The following ERC1 variants were observed in gnomAD, a reference collection of about 807,000 sequenced individuals.
ERC1 encodes ELKS/RAB6-interacting/CAST family member 1, also known as RAB6 interacting protein 2.
Under a neutral mutation model 132.0 loss-of-function variants are expected in ERC1, and 56 were observed. That is an observed-to-expected ratio of 0.42 (90% CI 0.34 to 0.53). The LOEUF (loss-of-function observed/expected upper bound fraction) is 0.53. Ranked by LOEUF, ERC1 falls within the 20% of genes least tolerant of loss-of-function variation. The probability of loss-of-function intolerance (pLI) is 0.03; values close to 1 mark genes in which losing one functional copy is unlikely to be tolerated. For missense variants in ERC1, 1,202 were observed against 1,349.9 expected (o/e 0.89, Z 1.72); for synonymous variants, 478 against 476.1 (o/e 1.00, Z -0.05).
At chr12:1,101,415 C>T (rs1430169992) in intron 3 of ERC1, among the ~76,000 whole-genome samples, 1 of 152,220 alleles carries the variant, frequency 6.6e-6, no homozygotes, top group Non-Finnish European at 1.5e-5. Context: ...CTGCTCACCA[C>T]CACTGGAGCC....
At chr12:1,185,325 G>T (rs989662072) in intron 11 of ERC1, among the ~76,000 whole-genome samples, 1 of 151,778 alleles carries the variant, frequency 6.6e-6, no homozygotes, top group Admixed American at 6.6e-5. Context: ...AGGCCACTAT[G>T]CTCAGCCTTG....
chr12:1,049,307 A>C (rs1185946211), intron 2 of ERC1, among the ~76,000 whole-genome samples: 1 of 152,244 alleles, frequency 6.6e-6, no homozygotes, highest in Non-Finnish European at 1.5e-5. Flanking sequence ...TGCTCATGGC[A>C]GATCATCTCT....
chr12:1,343,172 T>G (rs955020349), intron 15 of ERC1, among the ~76,000 whole-genome samples: 1 of 152,170 alleles, frequency 6.6e-6, no homozygotes, highest in Admixed American at 6.5e-5. Context: ...GGATCTCTCA[T>G]GTAGGCAACA....
intron 11 of ERC1, among the ~76,000 whole-genome samples, chr12:1,186,899 C>A (rs1176751668): frequency 6.6e-6 from 1 of 152,140 alleles, no homozygotes; most frequent in Non-Finnish European, 1.5e-5. Flanking sequence ...GGCACAATCT[C>A]GACTCACTGC....
chr12:1,261,817 G>T (rs115482162), intron 13 of ERC1, among the ~76,000 whole-genome samples: 1 of 152,024 alleles, frequency 6.6e-6, no homozygotes, highest in African/African-American at 2.4e-5. Flanking sequence ...TGAACATCAC[G>T]TACAGCACCA....
intron 12 of ERC1, among the ~76,000 whole-genome samples, chr12:1,213,635 G>T (rs1182897115): frequency 6.6e-6 from 1 of 151,658 alleles, no homozygotes; most frequent in Non-Finnish European, 1.5e-5. Context: ...TACTTGGGAG[G>T]CTGAGGCAGG....
In ERC1 at chr12:1,346,899, G is replaced by A. The variant is rs560032391; in HGVS notation, c.2781-24934G>A. ...GGAGCTTGCAGTGAGCCGAGATTGC[G>A]CCACTGCAGTCCGCAGTCCGGCCTG... On this transcript the variant is annotated intron_variant, in intron 15 of 18. Transcript: ENST00000360905. Among the ~76,000 whole-genome samples the A allele has an allele frequency of 2.6e-3, 382 of 144,668 alleles. 1 individual carries two copies. The highest frequency in any genetic ancestry group is 4.3e-3 in the Non-Finnish European group (286 of 66,760). The allele number at this position is 144,668 out of a possible 152,430, so 94.9% of individuals were successfully genotyped here.
At chr12:1,125,810 C>T (rs777854892) in intron 7 of ERC1, among the ~76,000 whole-genome samples, 5 of 152,104 alleles carry the variant, frequency 3.3e-5, no homozygotes, top group Admixed American at 6.6e-5. Flanking sequence ...AGCGAGACTC[C>T]GTCTCAAAAC....
At chr12:1,336,649 G>C (rs1220346439) in intron 15 of ERC1, among the ~76,000 whole-genome samples, 1 of 152,098 alleles carries the variant, frequency 6.6e-6, no homozygotes, top group African/African-American at 2.4e-5. Flanking sequence ...ATTTACTGAG[G>C]AGTATTTTCT....
At chr12:1,206,981 T>C (rs1439733166) in intron 12 of ERC1, among the ~76,000 whole-genome samples, 1 of 152,102 alleles carries the variant, frequency 6.6e-6, no homozygotes, top group African/African-American at 2.4e-5. Flanking sequence ...AAGCTTAGCA[T>C]TCCAGTAATA....
At chr12:1,030,848 A>G (rs1967889158) in intron 2 of ERC1, among the ~76,000 whole-genome samples, 1 of 152,254 alleles carries the variant, frequency 6.6e-6, no homozygotes, top group African/African-American at 2.4e-5. Flanking sequence ...ATACAGTAAC[A>G]TGCTGTACAG....
intron 3 of ERC1, among the ~76,000 whole-genome samples, chr12:1,092,478 A>C (rs1943377798): frequency 6.6e-6 from 1 of 152,122 alleles, no homozygotes; most frequent in African/African-American, 2.4e-5. Context: ...ATTTCAGCTG[A>C]GGTATGAGCA....
chr12:1,047,799 C>T (rs750390461), intron 2 of ERC1, among the ~76,000 whole-genome samples: 6 of 151,992 alleles, frequency 3.9e-5, no homozygotes, highest in South Asian at 2.1e-4. Flanking sequence ...GTGTCTAAAA[C>T]GGGTTTTAAT....
At chr12:1,420,049 T>C (rs1031685623) in intron 17 of ERC1, among the ~76,000 whole-genome samples, 3 of 152,178 alleles carry the variant, frequency 2.0e-5, no homozygotes, top group Non-Finnish European at 4.4e-5. Context: ...GCTTATTTGT[T>C]TGTTTATTTA....
chr12:1,078,719 A>G (rs554727821), intron 2 of ERC1, among the ~76,000 whole-genome samples: 1 of 152,302 alleles, frequency 6.6e-6, no homozygotes, highest in South Asian at 2.1e-4. Flanking sequence ...AAAATGGATT[A>G]AGAAAAAATG....
At chr12:1,138,208 ATATT>A (rs1214271557) in intron 7 of ERC1, among the ~76,000 whole-genome samples, 1 of 114,366 alleles carries the variant, frequency 8.7e-6, no homozygotes. Context: ...TATATGATAT[ATATT>A]ATATAATATA....
chr12:1,158,893 T>C (rs904126477), intron 8 of ERC1, among the ~76,000 whole-genome samples: 4 of 152,172 alleles, frequency 2.6e-5, no homozygotes, highest in Admixed American at 2.0e-4. Flanking sequence ...AAAAACCATT[T>C]CAGAGATACA....
At chr12:992,013 C>G (rs1282760202) in intron 1 of ERC1, among the ~76,000 whole-genome samples, 1 of 151,880 alleles carries the variant, frequency 6.6e-6, no homozygotes, top group Non-Finnish European at 1.5e-5. Flanking sequence ...AAGAGAATCC[C>G]CTTACTTTGG....
chr12:1,385,592 A>T (rs1341456845), intron 16 of ERC1, among the ~76,000 whole-genome samples: 7 of 152,152 alleles, frequency 4.6e-5, no homozygotes, highest in Non-Finnish European at 1.0e-4. Context: ...GCCCCTATCT[A>T]TCTTATTATT....
Sources: gnomAD v4.1 joint callset for allele counts (sites outside exome capture counted in the v4.1 genomes callset) on GRCh38, gnomAD v4.1.1 for gene constraint, MANE v1.5 for transcripts, NCBI Gene and HGNC (gene_info 2026-07-23, HGNC 2026-07-21) for gene names.